The following NCKAP5 variants were observed in gnomAD, a reference collection of about 807,000 sequenced individuals.
NCKAP5 encodes NCK associated protein 5, also known as nck-associated protein 5.
A neutral mutation model predicts 167.0 loss-of-function variants in NCKAP5; 92 were observed. The ratio of observed to expected loss-of-function variants is 0.55; its 90% CI spans 0.47 to 0.66. NCKAP5 has a LOEUF of 0.66. Among genes scored for constraint, NCKAP5 ranks in the 30% least tolerant of loss-of-function variants. NCKAP5 has a pLI of 0.00. For synonymous variants in NCKAP5, 891 were observed against 877.4 expected (o/e 1.02, Z -0.27); for missense variants, 2,378 against 2,315.0 (o/e 1.03, Z -0.56).
At chr2:132,895,914 C>T (rs1483025823) in intron 8 of NCKAP5, among the ~76,000 whole-genome samples, 2 of 151,782 alleles carry the variant, frequency 1.3e-5, no homozygotes, top group Non-Finnish European at 2.9e-5. Context: ...GTGGGCAGAT[C>T]ACCTGAGGTC....
intron 5 of NCKAP5, among the ~76,000 whole-genome samples, chr2:133,178,687 C>T (rs1271327354): frequency 6.7e-6 from 1 of 149,860 alleles, no homozygotes; most frequent in Non-Finnish European, 1.5e-5. Context: ...TAGCCAGGCG[C>T]GGTGGCGGGC....
chr2:133,225,858 C>T (rs1290995577), intron 4 of NCKAP5, among the ~76,000 whole-genome samples: 1 of 143,596 alleles, frequency 7.0e-6, no homozygotes, highest in East Asian at 2.1e-4. Context: ...TCTCGGCTCA[C>T]TGCAACCTCT....
chr2:133,214,667 A>C (rs1394277011), intron 4 of NCKAP5, among the ~76,000 whole-genome samples: 1 of 152,142 alleles, frequency 6.6e-6, no homozygotes, highest in Non-Finnish European at 1.5e-5. Context: ...AAAATAATTG[A>C]TTAGATGTCA....
chr2:133,624,492 A>G, the NCKAP5 span, among the ~76,000 whole-genome samples: 14 of 151,940 alleles, frequency 9.2e-5, no homozygotes, highest in Admixed American at 5.2e-4. Context: ...ACCGCACACC[A>G]GTGATGCTCC....
At chr2:132,757,728 A>T (rs1680667330) in intron 16 of NCKAP5, among the ~76,000 whole-genome samples, 1 of 152,234 alleles carries the variant, frequency 6.6e-6, no homozygotes, top group African/African-American at 2.4e-5. Context: ...ACTGGTGACT[A>T]ACAGGAATTC....
chr2:133,204,111 A>T (rs1298038172), intron 5 of NCKAP5, among the ~76,000 whole-genome samples: 2 of 152,206 alleles, frequency 1.3e-5, no homozygotes, highest in Non-Finnish European at 2.9e-5. Flanking sequence ...TAAAAATGAA[A>T]AAACATATTC....
rs769256701 is a variant in NCKAP5, at chr2:132,731,970, C to T, written c.5210G>A (p.Arg1737His). 29 of 1,613,734 alleles carry T rather than the reference C, an allele frequency of 1.8e-5. No homozygotes were observed. The Middle Eastern group carries it at 4.9e-4, about 27-fold the overall frequency. The change falls in exon 17 of 20, where the codon CGC becomes CAC. Residue 1737 changes from arginine (R) to histidine (H), a missense_variant. By Grantham distance (29) the Arg-to-His change is conservative. Transcript: ENST00000409261. ...LPDSGNRSTGRYLCQPDSPED... is the reference protein window; with the variant it reads ...LPDSGNRSTGHYLCQPDSPED... ...TGGGGAGTCTGGCTGGCATAGGTAG[C>T]GTCCTGTCGAGCGATTTCCCGAGTC...
At chr2:133,445,247 A>C (rs192612414) in intron 3 of NCKAP5, among the ~76,000 whole-genome samples, 1 of 152,208 alleles carries the variant, frequency 6.6e-6, no homozygotes, top group Non-Finnish European at 1.5e-5. Flanking sequence ...TTATTCACAA[A>C]TAATGATTCA....
At chr2:133,100,550 C>T (rs1394530280) in intron 6 of NCKAP5, among the ~76,000 whole-genome samples, 1 of 152,114 alleles carries the variant, frequency 6.6e-6, no homozygotes, top group Non-Finnish European at 1.5e-5. Flanking sequence ...TTTCCATTGC[C>T]TCTCACCACA....
At chr2:133,330,298 T>C (rs2150720234) in intron 3 of NCKAP5, among the ~76,000 whole-genome samples, 1 of 138,288 alleles carries the variant, frequency 7.2e-6, no homozygotes, top group South Asian at 2.4e-4. Context: ...TGTCACAGGC[T>C]GGTCTCAATC....
chr2:132,785,225 T>TGTGCCTTCCAGAGG lies in NCKAP5; in HGVS notation c.1585_1586insCCTCTGGAAGGCAC (p.Tyr529SerfsTer14). On this transcript the variant is annotated frameshift_variant, in exon 14 of 20. Coordinates refer to ENST00000409261, the MANE Select transcript of NCKAP5 (RefSeq NM_207363.3). LOFTEE classifies it high-confidence loss of function. ...CAGCTTTTCAGGCCTTTCCTTGGGA[T>TGTGCCTTCCAGAGG]AAACTGAGGATGTGCCTTCCAGAAA... 6.4e-7 allele frequency: 1 copy of TGTGCCTTCCAGAGG among 1,572,030 alleles called. No homozygotes were observed. Among genetic ancestry groups the TGTGCCTTCCAGAGG allele is most frequent in the African/African-American group, 1.4e-5 (1 of 73,374 alleles).
intron 7 of NCKAP5, among the ~76,000 whole-genome samples, chr2:132,989,323 G>A (rs541516911): frequency 1.3e-5 from 2 of 152,156 alleles, no homozygotes; most frequent in African/African-American, 4.8e-5. Flanking sequence ...TCTAACATAA[G>A]TTCCCTAATT....
chr2:133,214,296 A>C (rs528776596), intron 4 of NCKAP5, among the ~76,000 whole-genome samples: 1 of 152,132 alleles, frequency 6.6e-6, no homozygotes, highest in Admixed American at 6.5e-5. Flanking sequence ...CAACAATCCC[A>C]TGGGTGATTT....
the NCKAP5 span, among the ~76,000 whole-genome samples, chr2:133,611,124 CG>C: frequency 3.4e-5 from 3 of 87,552 alleles, no homozygotes; most frequent in South Asian, 3.9e-4. Flanking sequence ...TGTTAATGCC[CG>C]AAAAAAAAAG....
chr2:133,190,351 A>C (rs1251152576), intron 5 of NCKAP5, among the ~76,000 whole-genome samples: 4 of 152,236 alleles, frequency 2.6e-5, no homozygotes, highest in African/African-American at 9.6e-5. Context: ...CATACTGCCC[A>C]AGGTAAATTA....
chr2:133,145,090 A>G (rs981523268), intron 5 of NCKAP5, among the ~76,000 whole-genome samples: 3 of 151,950 alleles, frequency 2.0e-5, no homozygotes, highest in African/African-American at 7.3e-5. Flanking sequence ...ATGCTTTTCT[A>G]TTTTCTCAGA....
At chr2:133,069,899 T>G (rs1428395374) in intron 6 of NCKAP5, among the ~76,000 whole-genome samples, 2 of 151,988 alleles carry the variant, frequency 1.3e-5, no homozygotes, top group African/African-American at 2.4e-5. Flanking sequence ...ACACAAAACA[T>G]TCAGATTCTA....
intron 6 of NCKAP5, among the ~76,000 whole-genome samples, chr2:133,048,659 T>C (rs13395811): frequency 0.32 from 48,006 of 152,162 alleles, 8,213 homozygotes; most frequent in South Asian, 0.48. Flanking sequence ...ACCACTCATA[T>C]TGTCACATTT....
At chr2:133,544,774 T>C (rs569515811) in intron 2 of NCKAP5, among the ~76,000 whole-genome samples, 1 of 152,354 alleles carries the variant, frequency 6.6e-6, no homozygotes, top group South Asian at 2.1e-4. Flanking sequence ...TCTAAATCAC[T>C]GTCTCCTTCC....
Sources: gnomAD v4.1 joint callset for allele counts (sites outside exome capture counted in the v4.1 genomes callset) on GRCh38, gnomAD v4.1.1 for gene constraint, MANE v1.5 for transcripts, NCBI Gene and HGNC (gene_info 2026-07-23, HGNC 2026-07-21) for gene names.